MPV17L: variants seen among roughly 807,000 people sequenced by gnomAD.
MPV17L encodes mpv17-like protein.
A neutral mutation model predicts 25.8 loss-of-function variants in MPV17L; 24 were observed. That is an observed-to-expected ratio of 0.93 (90% confidence interval 0.67 to 1.31). The LOEUF (loss-of-function observed/expected upper bound fraction) is 1.31, where lower values mean the gene tolerates loss of function less well. Ranked by LOEUF, MPV17L falls within the 50% of genes most tolerant of loss-of-function variation. MPV17L has a pLI of 0.00. For missense variants in MPV17L, 250 were observed against 265.6 expected (o/e 0.94, Z 0.41); for synonymous variants, 102 against 115.3 (o/e 0.88, Z 0.74).
At chr16:15,406,569 C>T (rs1471102224) in intron 2 of MPV17L, among the ~76,000 whole-genome samples, 2 of 152,030 alleles carry the variant, frequency 1.3e-5, no homozygotes, top group South Asian at 2.1e-4. Context: ...TGTTCTATAG[C>T]ATCACATGGT....
chr16:15,403,112 G>A (rs1273434294), intron 2 of MPV17L, among the ~76,000 whole-genome samples: 1 of 148,280 alleles, frequency 6.7e-6, no homozygotes, highest in Admixed American at 6.8e-5. Context: ...GCTCATGCCT[G>A]TGATCCCAAC....
chr16:15,405,645 A>G (rs1264645087), intron 2 of MPV17L, among the ~76,000 whole-genome samples: 3 of 151,460 alleles, frequency 2.0e-5, no homozygotes, highest in Non-Finnish European at 4.4e-5. Context: ...CAGGGTTTCT[A>G]CATGTTGGTC....
intron 1 of MPV17L, among the ~76,000 whole-genome samples, chr16:15,396,947 A>G (rs1237923674): frequency 6.6e-6 from 1 of 152,176 alleles, no homozygotes; most frequent in African/African-American, 2.4e-5. Context: ...TGTGGGGGAC[A>G]GGGGCTTGAC....
In MPV17L at chr16:15,408,171, T is replaced by G; in HGVS notation, c.*59T>G. The G allele has an allele frequency of 7.4e-7, 1 of 1,358,068 alleles. No homozygotes were observed. Among genetic ancestry groups the G allele is most frequent in the Non-Finnish European group, 1.0e-6 (1 of 990,322 alleles). 84.1% of individuals were successfully genotyped at this position (1,358,068 alleles called of 1,614,324 possible). ...TTTACCTAAAATGCACAGAATTGCC[T>G]GCAGACAAAATATTTGATGTGCCAA... On this transcript the variant is annotated 3_prime_UTR_variant, in exon 4 of 4. Transcript: ENST00000396385.
At chr16:15,396,274 G>C in intron 1 of MPV17L, 67 bp downstream of exon 1, 2 of 1,515,144 alleles carry the variant, frequency 1.3e-6, no homozygotes, top group Non-Finnish European at 1.8e-6. Context: ...TGGGACTCGG[G>C]GATCAAGCGG....
chr16:15,396,988 G>A (rs1314425812), intron 1 of MPV17L, among the ~76,000 whole-genome samples: 1 of 152,092 alleles, frequency 6.6e-6, no homozygotes, highest in African/African-American at 2.4e-5. Context: ...CATACAATAA[G>A]AACAATGGAA....
At chr16:15,402,290 C>T (rs1435871985) in intron 2 of MPV17L, among the ~76,000 whole-genome samples, 2 of 152,202 alleles carry the variant, frequency 1.3e-5, no homozygotes, top group African/African-American at 2.4e-5. Context: ...GTTTTCATCT[C>T]TGCCCTAGAG....
chr16:15,396,377 A>G (rs2050584168), intron 1 of MPV17L, among the ~76,000 whole-genome samples, 170 bp downstream of exon 1: 1 of 152,054 alleles, frequency 6.6e-6, no homozygotes. Flanking sequence ...GGCCAGGGCA[A>G]AGGCTAGAGG....
chr16:15,404,730 G>C (rs1472972295), intron 2 of MPV17L, among the ~76,000 whole-genome samples: 1 of 152,142 alleles, frequency 6.6e-6, no homozygotes, highest in African/African-American at 2.4e-5. Context: ...GCTGAGGCAG[G>C]AGAATCACTT....
In MPV17L at chr16:15,396,039, A is replaced by G. The variant is rs1402099779; in HGVS notation, c.142A>G (p.Thr48Ala). Residue 48 changes from threonine (T) to alanine (A), a missense_variant, in exon 1 of 4, where the codon ACG (threonine) becomes GCG (alanine). Coordinates refer to ENST00000396385, the MANE Select transcript of MPV17L (RefSeq NM_001128423.2). ...LQGREANWRQ[T>A]RRVATLVVTF... ...GGGCCGCGAGGCCAACTGGCGCCAG[A>G]CGCGGCGCGTGGCCACGTTGGTGGT... The G allele has an allele frequency of 3.3e-5, 50 of 1,534,610 alleles. No homozygotes were observed. The highest frequency in any genetic ancestry group is 4.1e-5 in the Non-Finnish European group (47 of 1,145,450).
intron 2 of MPV17L, among the ~76,000 whole-genome samples, chr16:15,401,154 C>G (rs1331197354): frequency 7.2e-6 from 1 of 137,940 alleles, no homozygotes; most frequent in East Asian, 2.2e-4. Flanking sequence ...ATTCTGGCAC[C>G]CAGGCTGGAA....
At position 15,410,081 on chromosome 16, in the gene MPV17L, A is replaced by G. The variant is rs1438964926; in HGVS notation, c.*1969A>G. On this transcript the variant is annotated 3_prime_UTR_variant, in exon 4 of 4. Coordinates refer to ENST00000396385, the MANE Select transcript of MPV17L (RefSeq NM_001128423.2). ...CTTTAAGGTAAACATGAGAAACTTG[A>G]TCTAATATTTAATATTTATTCAGTT... 6.6e-6 allele frequency: 1 copy of G among 152,140 alleles called. No individual in the cohort carries two copies. The highest frequency in any genetic ancestry group is 1.5e-5 in the Non-Finnish European group (1 of 68,034). 9.4% of individuals were successfully genotyped at this position (152,140 alleles called of 1,614,324 possible).
In MPV17L at chr16:15,403,133, G is replaced by A. The variant is rs576765852; in HGVS notation, c.381+2276G>A. On this transcript the variant is annotated intron_variant, in intron 2 of 3. Transcript: ENST00000396385. ...GCCTGTGATCCCAACACTTTGGGAG[G>A]TGGAGGCGGGTAGATCACAAGGTCA... is the stretch of plus-strand genomic sequence containing the variant. 3.2e-4 allele frequency among the ~76,000 whole-genome samples: 48 copies of A among 151,516 alleles called. No homozygotes were observed. In the Middle Eastern group the frequency reaches 0.024, roughly 76 times the overall value.
chr16:15,400,734 T>G, intron 1 of MPV17L, 53 bp from the exon 2 acceptor site: 1 of 1,285,766 alleles, frequency 7.8e-7, no homozygotes, highest in Non-Finnish European at 1.1e-6. Context: ...ACATGAACTG[T>G]TATACGGTAC....
At chr16:15,397,762 C>A (rs1254184251) in intron 1 of MPV17L, among the ~76,000 whole-genome samples, 6 of 152,110 alleles carry the variant, frequency 3.9e-5, no homozygotes, top group Non-Finnish European at 7.4e-5. Flanking sequence ...GATTCACTTC[C>A]TTTCCCTACA....
At chr16:15,405,348 G>A (rs1246852514) in intron 2 of MPV17L, among the ~76,000 whole-genome samples, 1 of 149,700 alleles carries the variant, frequency 6.7e-6, no homozygotes, top group Non-Finnish European at 1.5e-5. Context: ...AACCTGGCCC[G>A]CATAGTGAGG....
At chr16:15,405,091 G>T (rs1462925547) in intron 2 of MPV17L, among the ~76,000 whole-genome samples, 2 of 151,998 alleles carry the variant, frequency 1.3e-5, no homozygotes, top group Non-Finnish European at 2.9e-5. Flanking sequence ...CGTGTTCCAG[G>T]ATCATCTTGT....
chr16:15,399,553 G>A (rs1045271360), intron 1 of MPV17L: 4 of 363,608 alleles, frequency 1.1e-5, no homozygotes, highest in South Asian at 4.2e-5. Flanking sequence ...CTACAGGCAC[G>A]CACCCCTATA....
rs1357919065 is a variant in MPV17L, at chr16:15,410,783, T to C, written c.*2671T>C. The C allele has an allele frequency of 6.6e-6, 1 of 152,216 alleles. No individual in the cohort carries two copies. The allele number at this position is 152,216 out of a possible 1,614,324, so 9.4% of individuals were successfully genotyped here. A position where few individuals can be genotyped will look rare whatever the true frequency, so the allele number is the denominator to read the frequency against. On this transcript the variant is annotated 3_prime_UTR_variant, in exon 4 of 4. Coordinates refer to ENST00000396385, the MANE Select transcript of MPV17L (RefSeq NM_001128423.2). ...AAATATGTAGTTTCCAAGTGGATAATTTACCTGAATGTAAAAGGCATTAAT... is the reference window on the plus strand; with the variant it reads ...AAATATGTAGTTTCCAAGTGGATAACTTACCTGAATGTAAAAGGCATTAAT...
Sources: allele counts gnomAD v4.1 joint callset (sites outside exome capture counted in the v4.1 genomes callset), GRCh38; gene constraint gnomAD v4.1.1; transcripts MANE v1.5; gene names NCBI Gene and HGNC (gene_info 2026-07-23, HGNC 2026-07-21).